Variants in NTNG1 observed in about 807,000 individuals in gnomAD.
The protein encoded by NTNG1 is netrin G1.
Under a neutral mutation model 54.0 loss-of-function variants are expected in NTNG1, and 16 were observed. That is an observed-to-expected ratio of 0.30 (90% CI 0.20 to 0.45). The LOEUF (loss-of-function observed/expected upper bound fraction) is 0.45. NTNG1 is among the 20% of genes least tolerant of loss of function. The probability of loss-of-function intolerance (pLI) is 1.00; values close to 1 mark genes in which losing one functional copy is unlikely to be tolerated. For synonymous variants in NTNG1, 255 were observed against 263.1 expected (o/e 0.97, Z 0.30); for missense variants, 530 against 678.7 (o/e 0.78, Z 2.43).
chr1:107,411,674 T>G (rs1673821622), intron 5 of NTNG1, among the ~76,000 whole-genome samples: 1 of 152,184 alleles, frequency 6.6e-6, no homozygotes, highest in Non-Finnish European at 1.5e-5. Flanking sequence ...TTAGGTTTTA[T>G]GTAATGAGGA....
intron 3 of NTNG1, among the ~76,000 whole-genome samples, chr1:107,339,288 C>A (rs1025290527): frequency 6.6e-6 from 1 of 152,028 alleles, no homozygotes; most frequent in African/African-American, 2.4e-5. Flanking sequence ...AGGGCTTCTT[C>A]TGTGTTCCAG....
At chr1:107,235,640 G>A (rs1469673151) in intron 2 of NTNG1, among the ~76,000 whole-genome samples, 1 of 152,236 alleles carries the variant, frequency 6.6e-6, no homozygotes, top group East Asian at 1.9e-4. Context: ...CCATAACAAA[G>A]GCTTTAACTC....
chr1:107,243,253 AAGTT>A (rs1661963846), intron 2 of NTNG1, among the ~76,000 whole-genome samples: 2 of 152,208 alleles, frequency 1.3e-5, no homozygotes, highest in Non-Finnish European at 2.9e-5. Flanking sequence ...AAAAAGCAGA[AAGTT>A]TTGAAAGAGG....
chr1:107,290,718 G>A (rs1009111242), intron 2 of NTNG1, among the ~76,000 whole-genome samples: 1 of 151,772 alleles, frequency 6.6e-6, no homozygotes. Flanking sequence ...GAACAGAAGA[G>A]ACCATCCGTG....
At chr1:107,141,726 G>C (rs1167199824) in intron 1 of NTNG1, among the ~76,000 whole-genome samples, 7 of 152,032 alleles carry the variant, frequency 4.6e-5, no homozygotes, top group South Asian at 2.1e-4. Flanking sequence ...GCGTCCTCTT[G>C]TTGTGTCCGG....
At chr1:107,148,887 T>C in intron 2 of NTNG1, 48 bp downstream of exon 2, 1 of 1,564,236 alleles carries the variant, frequency 6.4e-7, no homozygotes, top group Non-Finnish European at 8.7e-7. Context: ...TAGGGTCTAA[T>C]CGCATATGCA....
chr1:107,297,210 TACCATC>T (rs1382487932), intron 2 of NTNG1, among the ~76,000 whole-genome samples: 10 of 98,344 alleles, frequency 1.0e-4, no homozygotes, highest in East Asian at 5.1e-4. Context: ...CATATATATA[TACCATC>T]ATATATATAT....
At chr1:107,401,736 G>A (rs1673055991) in intron 4 of NTNG1, among the ~76,000 whole-genome samples, 1 of 150,714 alleles carries the variant, frequency 6.6e-6, no homozygotes, top group Non-Finnish European at 1.5e-5. Context: ...TTCAGGGCCT[G>A]AAATAAATGG....
chr1:107,246,049 T>TTTTTGTTTTG (rs150913258), intron 2 of NTNG1, among the ~76,000 whole-genome samples: 2 of 151,856 alleles, frequency 1.3e-5, no homozygotes, highest in Admixed American at 1.3e-4. Flanking sequence ...TTAATTATTA[T>TTTTTGTTTTG]TTTTGTTTTG....
At chr1:107,242,992 T>C (rs533811141) in intron 2 of NTNG1, among the ~76,000 whole-genome samples, 1 of 152,340 alleles carries the variant, frequency 6.6e-6, no homozygotes, top group South Asian at 2.1e-4. Flanking sequence ...TTTGATTACT[T>C]AGAGGTAAGG....
At chr1:107,373,334 G>A (rs1671038153) in intron 3 of NTNG1, among the ~76,000 whole-genome samples, 1 of 151,910 alleles carries the variant, frequency 6.6e-6, no homozygotes, top group African/African-American at 2.4e-5. Context: ...TACCAGTTCA[G>A]ATGAAATATA....
intron 3 of NTNG1, among the ~76,000 whole-genome samples, chr1:107,386,078 T>C (rs937870079): frequency 1.4e-5 from 2 of 147,818 alleles, no homozygotes; most frequent in African/African-American, 4.9e-5. Flanking sequence ...TATATACATA[T>C]ATATACTTAT....
chr1:107,310,434 T>C (rs941177392), intron 2 of NTNG1, among the ~76,000 whole-genome samples: 2 of 152,156 alleles, frequency 1.3e-5, no homozygotes, highest in Non-Finnish European at 2.9e-5. Flanking sequence ...ACATGACAGA[T>C]GCTGAATATA....
intron 6 of NTNG1, among the ~76,000 whole-genome samples, chr1:107,431,989 G>A (rs967321384): frequency 6.6e-6 from 1 of 152,186 alleles, no homozygotes; most frequent in Non-Finnish European, 1.5e-5. Context: ...AAAAAAAGCT[G>A]TTGAGTTGTT....
At chr1:107,225,926 G>A (rs966775964) in intron 2 of NTNG1, among the ~76,000 whole-genome samples, 1 of 152,126 alleles carries the variant, frequency 6.6e-6, no homozygotes, top group African/African-American at 2.4e-5. Context: ...AAGGGCTATG[G>A]AGGCACAGGT....
At chr1:107,361,985 C>T (rs1243335292) in intron 3 of NTNG1, among the ~76,000 whole-genome samples, 1 of 151,918 alleles carries the variant, frequency 6.6e-6, no homozygotes, top group Non-Finnish European at 1.5e-5. Flanking sequence ...ATGGCAGAGA[C>T]AACAACAGGG....
intron 3 of NTNG1, among the ~76,000 whole-genome samples, chr1:107,371,004 CACAG>C (rs1162015172): frequency 6.6e-6 from 1 of 152,026 alleles, no homozygotes. Flanking sequence ...CAGTTTTTTA[CACAG>C]ACAGTCAGAA....
At chr1:107,317,496 A>G (rs1237404114) in intron 2 of NTNG1, among the ~76,000 whole-genome samples, 1 of 152,170 alleles carries the variant, frequency 6.6e-6, no homozygotes, top group Non-Finnish European at 1.5e-5. Flanking sequence ...TTTCTTGTCC[A>G]GTACATGCAA....
Position 107,389,632 on chromosome 1 carries a change from T to TAA in NTNG1, c.888-5521_888-5520dup, listed in dbSNP as rs1158263511. On this transcript the variant is annotated intron_variant, in intron 3 of 7. Transcript: ENST00000370068. Reference sequence around the variant, plus strand: ...ACAGACTAGAGCTCACTTTTTCTTTTAAGTCTGCCTTAGCGACACCCTTAT... The same window carrying TAA: ...ACAGACTAGAGCTCACTTTTTCTTTTAAAAGTCTGCCTTAGCGACACCCTTAT... Among the ~76,000 whole-genome samples, 8 of 152,344 alleles carry TAA rather than the reference T, an allele frequency of 5.3e-5. No individual in the cohort carries two copies. In the East Asian group the frequency reaches 1.5e-3, roughly 29 times the overall value.
Sources: allele counts gnomAD v4.1 joint callset (sites outside exome capture counted in the v4.1 genomes callset), GRCh38; gene constraint gnomAD v4.1.1; transcripts MANE v1.5; gene names NCBI Gene and HGNC (gene_info 2026-07-23, HGNC 2026-07-21).